The following PEX5L variants were observed in gnomAD, a reference collection of about 807,000 sequenced individuals.
PEX5L encodes the protein peroxisomal biogenesis factor 5 like.
A neutral mutation model predicts 84.0 loss-of-function variants in PEX5L; 30 were observed. The observed-to-expected ratio is 0.36, with a 90% CI of 0.27 to 0.48. The LOEUF (loss-of-function observed/expected upper bound fraction) is 0.48, where lower values mean the gene tolerates loss of function less well. Ranked by LOEUF, PEX5L falls within the 20% of genes least tolerant of loss-of-function variation. The pLI is 0.99. For missense variants in PEX5L, 533 were observed against 754.6 expected, an observed-to-expected ratio of 0.71 and a Z score of 3.44; for synonymous variants, 270 against 283.1, an observed-to-expected ratio of 0.95 and a Z score of 0.46.
At chr3:179,829,253 A>G (rs1231743273) in intron 8 of PEX5L, among the ~76,000 whole-genome samples, 5 of 152,198 alleles carry the variant, frequency 3.3e-5, no homozygotes, top group Non-Finnish European at 5.9e-5. Flanking sequence ...CTGCCATACT[A>G]TAGTTGTTTT....
intron 1 of PEX5L, among the ~76,000 whole-genome samples, chr3:180,024,268 G>T (rs1790697890): frequency 6.7e-6 from 1 of 149,922 alleles, no homozygotes. Flanking sequence ...CCGGCACTTT[G>T]GGAGGCCGAG....
At chr3:179,850,319 G>T (rs1741335808) in intron 8 of PEX5L, among the ~76,000 whole-genome samples, 1 of 151,802 alleles carries the variant, frequency 6.6e-6, no homozygotes, top group African/African-American at 2.4e-5. Flanking sequence ...TAGAGACGGG[G>T]TTTCACCATG....
chr3:179,958,987 G>A (rs4855127), intron 2 of PEX5L, among the ~76,000 whole-genome samples: 114,875 of 151,368 alleles, frequency 0.76, 43,872 homozygotes, highest in East Asian at 0.96. Flanking sequence ...AGATCGCGCT[G>A]CTGCATTCCA....
intron 2 of PEX5L, among the ~76,000 whole-genome samples, chr3:179,967,235 T>G (rs1246409842): frequency 1.3e-5 from 2 of 152,108 alleles, no homozygotes; most frequent in Non-Finnish European, 2.9e-5. Flanking sequence ...AGAAAGAGCA[T>G]GGGACTGGAT....
chr3:179,956,393 C>T lies in PEX5L; in HGVS notation c.93+15201G>A, dbSNP rs375503877. Among the ~76,000 whole-genome samples, 89 of 152,230 alleles carry T rather than the reference C, an allele frequency of 5.8e-4. 1 individual carries two copies. Among genetic ancestry groups the T allele is most frequent in the South Asian group, 5.2e-3 (25 of 4,824 alleles). On this transcript the variant is annotated intron_variant, in intron 2 of 14. Coordinates refer to ENST00000467460, the MANE Select transcript of PEX5L (RefSeq NM_016559.3). ...CGAATTCACGATTATTTCTTTTCAT[C>T]ACTGCCTTTCAATATGAAGCAGTCT...
chr3:179,811,862 A>G lies in PEX5L; in HGVS notation c.1093T>C (p.Phe365Leu). ...QDPGDAEAWQ[F>L]LGITQAENEN... is the part of the protein sequence containing the mutation. ...TTCTCCGCCTGGGTTATCCCGAGGA[A>G]CTGCCATGCCTACGAAAGACAACTG... Residue 365 changes from phenylalanine (F) to leucine (L), a missense_variant, in exon 11 of 15, where the codon TTC (phenylalanine) becomes CTC (leucine). By Grantham distance (22) the Phe-to-Leu change is conservative. This residue lies in a region of PEX5L where 32 missense variants were observed against 45.5 expected (regional missense o/e 0.70). Coordinates refer to ENST00000467460, the MANE Select transcript of PEX5L (RefSeq NM_016559.3). 3 of 1,613,166 alleles carry G rather than the reference A, an allele frequency of 1.9e-6. No individual in the cohort carries two copies. Among genetic ancestry groups the G allele is most frequent in the Non-Finnish European group, 2.5e-6 (3 of 1,179,066 alleles).
intron 8 of PEX5L, among the ~76,000 whole-genome samples, chr3:179,828,864 C>T (rs1355385542): frequency 6.6e-6 from 1 of 152,174 alleles, no homozygotes; most frequent in African/African-American, 2.4e-5. Flanking sequence ...AACTCATCTC[C>T]AATTAGCCAG....
At chr3:179,913,877 GTTAA>G (rs1766061771) in intron 2 of PEX5L, among the ~76,000 whole-genome samples, 1 of 151,962 alleles carries the variant, frequency 6.6e-6, no homozygotes, top group South Asian at 2.1e-4. Flanking sequence ...GTCTGTGAAT[GTTAA>G]TTATTTTATT....
intron 2 of PEX5L, among the ~76,000 whole-genome samples, chr3:179,926,741 G>A (rs1404139985): frequency 6.6e-6 from 1 of 152,206 alleles, no homozygotes; most frequent in Non-Finnish European, 1.5e-5. Context: ...AACATTTAGA[G>A]TAATGCCTGT....
chr3:179,796,921 T>C lies in PEX5L; in HGVS notation c.*4907A>G, dbSNP rs951301526. Reference sequence around the variant, plus strand: ...GTTGTGATACCCCACACACTTGCTATGTGACATTTATGAAAATTAAGGCCC... The same window carrying C: ...GTTGTGATACCCCACACACTTGCTACGTGACATTTATGAAAATTAAGGCCC... On this transcript the variant is annotated 3_prime_UTR_variant, in exon 15 of 15. Coordinates refer to ENST00000467460, the MANE Select transcript of PEX5L (RefSeq NM_016559.3). 1 of 152,212 alleles carries C rather than the reference T, an allele frequency of 6.6e-6. No individual in the cohort carries two copies. Among genetic ancestry groups the C allele is most frequent in the African/African-American group, 2.4e-5 (1 of 41,460 alleles). The allele number at this position is 152,212 out of a possible 1,614,324, so 9.4% of individuals were successfully genotyped here.
intron 12 of PEX5L, among the ~76,000 whole-genome samples, chr3:179,808,982 G>C (rs1391924337): frequency 7.2e-6 from 1 of 139,260 alleles, no homozygotes; most frequent in Non-Finnish European, 1.5e-5. Flanking sequence ...GCTGAGGCAG[G>C]AGAATGGCGT....
At chr3:179,994,697 G>A (rs1787694758) in intron 1 of PEX5L, among the ~76,000 whole-genome samples, 1 of 152,088 alleles carries the variant, frequency 6.6e-6, no homozygotes, top group Non-Finnish European at 1.5e-5. Flanking sequence ...TGTTGCCAAA[G>A]GAGATTAACA....
chr3:179,972,565 T>G (rs1785037476), intron 1 of PEX5L, among the ~76,000 whole-genome samples: 1 of 152,144 alleles, frequency 6.6e-6, no homozygotes, highest in Admixed American at 6.6e-5. Context: ...TCAAGGTTAT[T>G]TATTTATTTT....
At chr3:179,909,977 G>A (rs1405369025) in intron 2 of PEX5L, among the ~76,000 whole-genome samples, 1 of 152,178 alleles carries the variant, frequency 6.6e-6, no homozygotes, top group Non-Finnish European at 1.5e-5. Flanking sequence ...ACTTTGTCAT[G>A]GAAGCCCTAG....
chr3:179,964,446 A>T (rs1782828249), intron 2 of PEX5L, among the ~76,000 whole-genome samples: 1 of 152,216 alleles, frequency 6.6e-6, no homozygotes, highest in African/African-American at 2.4e-5. Flanking sequence ...AAGTTGACAA[A>T]TGGGACCTAA....
At chr3:180,035,722 T>G (rs1791844650) in intron 1 of PEX5L, among the ~76,000 whole-genome samples, 1 of 152,198 alleles carries the variant, frequency 6.6e-6, no homozygotes, top group Non-Finnish European at 1.5e-5. Context: ...TGACCATCTT[T>G]GGAATGGAAA....
chr3:179,845,822 C>G (rs1739107154), intron 8 of PEX5L, among the ~76,000 whole-genome samples: 1 of 152,172 alleles, frequency 6.6e-6, no homozygotes, highest in Admixed American at 6.5e-5. Flanking sequence ...TGGCCTGTGA[C>G]ATTTCACAGG....
chr3:179,941,370 G>T (rs114792320), intron 2 of PEX5L, among the ~76,000 whole-genome samples: 1,595 of 152,182 alleles, frequency 0.01, 16 homozygotes, highest in Non-Finnish European at 0.016. Flanking sequence ...TCTCTACGAG[G>T]TACTTCATAT....
intron 2 of PEX5L, among the ~76,000 whole-genome samples, chr3:179,952,335 A>T (rs554488066): frequency 1.6e-4 from 25 of 152,118 alleles, no homozygotes; most frequent in East Asian, 7.7e-4. Flanking sequence ...TTTTTTTTTT[A>T]AAACTGTATA....
Sources: gnomAD v4.1 joint callset for allele counts (sites outside exome capture counted in the v4.1 genomes callset) on GRCh38, gnomAD v4.1.1 for gene constraint, gnomAD v4.1.1 regional missense constraint, MANE v1.5 for transcripts, NCBI Gene and HGNC (gene_info 2026-07-23, HGNC 2026-07-21) for gene names.